Variants in DOK6 observed in about 807,000 individuals in gnomAD.
The protein encoded by DOK6 is downstream of tyrosine kinase 6.
Under a neutral mutation model 44.0 loss-of-function variants are expected in DOK6, and 22 were observed. That is an observed-to-expected ratio of 0.50 (90% CI 0.36 to 0.71). The LOEUF is 0.71. Among genes scored for constraint, DOK6 ranks in the 30% least tolerant of loss-of-function variants. The pLI, the probability that DOK6 is intolerant of heterozygous loss-of-function variation, is 0.00. For synonymous variants in DOK6, 166 were observed against 145.5 expected, an observed-to-expected ratio of 1.14 and a Z score of -1.01; for missense variants, 340 against 416.4, an observed-to-expected ratio of 0.82 and a Z score of 1.60.
intron 7 of DOK6, among the ~76,000 whole-genome samples, chr18:69,768,741 T>TAGGACA (rs1422067590): frequency 6.6e-6 from 1 of 151,566 alleles, no homozygotes; most frequent in East Asian, 1.9e-4. Flanking sequence ...TGATGTTGAT[T>TAGGACA]TAAGCCTGGA....
At chr18:69,607,303 A>G (rs1984025741) in intron 3 of DOK6, among the ~76,000 whole-genome samples, 1 of 151,686 alleles carries the variant, frequency 6.6e-6, no homozygotes, top group Non-Finnish European at 1.5e-5. Context: ...GATCTAATTT[A>G]TTTTATGAAG....
chr18:69,741,887 T>G (rs1231376123), intron 6 of DOK6, among the ~76,000 whole-genome samples: 1 of 152,086 alleles, frequency 6.6e-6, no homozygotes, highest in Admixed American at 6.6e-5. Context: ...ATAACAAAAT[T>G]GTAACTTGAA....
intron 3 of DOK6, among the ~76,000 whole-genome samples, chr18:69,648,635 C>T (rs796447088): frequency 3.9e-5 from 6 of 152,250 alleles, no homozygotes; most frequent in African/African-American, 1.4e-4. Context: ...TACTAAATAT[C>T]GTCTGTTAAT....
At chr18:69,724,023 T>A (rs1158112025) in intron 5 of DOK6, among the ~76,000 whole-genome samples, 1 of 152,194 alleles carries the variant, frequency 6.6e-6, no homozygotes, top group East Asian at 1.9e-4. Flanking sequence ...ATAATATTAA[T>A]TGAAAAGAAA....
intron 3 of DOK6, among the ~76,000 whole-genome samples, chr18:69,657,587 A>G (rs550663766): frequency 6.6e-6 from 1 of 152,340 alleles, no homozygotes; most frequent in African/African-American, 2.4e-5. Flanking sequence ...GCTACCAAAG[A>G]AAGTTGATGT....
intron 3 of DOK6, among the ~76,000 whole-genome samples, chr18:69,659,338 A>G (rs1985450185): frequency 6.6e-6 from 1 of 152,246 alleles, no homozygotes; most frequent in Non-Finnish European, 1.5e-5. Flanking sequence ...TATTGACACA[A>G]TGGTGTCCAT....
rs913823701 is a variant in DOK6, at chr18:69,845,641, C to T, written c.*4258C>T. 6.6e-6 allele frequency: 1 copy of T among 152,154 alleles called. No homozygotes were observed. The highest frequency in any genetic ancestry group is 1.5e-5 in the Non-Finnish European group (1 of 68,042). The allele number at this position is 152,154 out of a possible 1,614,324, so 9.4% of individuals were successfully genotyped here. The stretch of plus-strand genomic sequence containing the variant: ...AATTTAGGTTAAATGATAAAGAATA[C>T]AATGAAATGTCCAGAGTAACACTTG... On this transcript the variant is annotated 3_prime_UTR_variant, in exon 8 of 8. Coordinates refer to ENST00000382713, the MANE Select transcript of DOK6 (RefSeq NM_152721.6).
intron 5 of DOK6, among the ~76,000 whole-genome samples, chr18:69,735,167 T>C (rs1363526424): frequency 6.6e-6 from 1 of 152,226 alleles, no homozygotes; most frequent in Non-Finnish European, 1.5e-5. Flanking sequence ...TTATCTCAAG[T>C]GATTCTGGAT....
At chr18:69,571,318 A>G (rs1983110158) in intron 2 of DOK6, among the ~76,000 whole-genome samples, 1 of 152,040 alleles carries the variant, frequency 6.6e-6, no homozygotes, top group Non-Finnish European at 1.5e-5. Flanking sequence ...AAGAAAGGAG[A>G]AAAGAGGTAA....
chr18:69,565,492 T>C (rs954039421), intron 2 of DOK6, among the ~76,000 whole-genome samples: 2 of 10,880 alleles, frequency 1.8e-4, no homozygotes. Context: ...TGTGTGTGTG[T>C]GTGTGTGTGT....
intron 1 of DOK6, among the ~76,000 whole-genome samples, chr18:69,420,457 G>A (rs1166343029): frequency 2.0e-5 from 3 of 151,818 alleles, no homozygotes; most frequent in Admixed American, 2.0e-4. Context: ...CTGTGGGCAG[G>A]TCAGATATCA....
At chr18:69,693,528 C>T (rs1986316274) in intron 4 of DOK6, among the ~76,000 whole-genome samples, 1 of 152,064 alleles carries the variant, frequency 6.6e-6, no homozygotes, top group Non-Finnish European at 1.5e-5. Context: ...GCTGAACAGA[C>T]GTCTGTTTTC....
rs55913977 is a variant in DOK6 at position 69,651,722 on chromosome 18, C to T, written c.290-26012C>T. On this transcript the variant is annotated intron_variant, in intron 3 of 7. Transcript: ENST00000382713. ...CAAGCTGATTTCAAACTCCTGACCT[C>T]AAGTGATCTGCCTCCTCAGCCTCCA... is the stretch of plus-strand genomic sequence containing the variant. 2.8e-3 allele frequency among the ~76,000 whole-genome samples: 426 copies of T among 152,088 alleles called. 2 individuals carry two copies. Among genetic ancestry groups the T allele is most frequent in the African/African-American group, 9.9e-3 (412 of 41,486 alleles).
At chr18:69,515,657 A>C (rs1981500810) in intron 1 of DOK6, among the ~76,000 whole-genome samples, 1 of 152,260 alleles carries the variant, frequency 6.6e-6, no homozygotes, top group African/African-American at 2.4e-5. Context: ...TGAATTAGAG[A>C]AAACTATGAA....
At chr18:69,525,443 T>C (rs1389732182) in intron 1 of DOK6, among the ~76,000 whole-genome samples, 1 of 151,996 alleles carries the variant, frequency 6.6e-6, no homozygotes. Flanking sequence ...TCTAAAGAAA[T>C]TGAAGGTGGT....
intron 1 of DOK6, among the ~76,000 whole-genome samples, chr18:69,535,524 A>T (rs11664173): frequency 0.13 from 20,004 of 151,780 alleles, 1,627 homozygotes; most frequent in South Asian, 0.29. Flanking sequence ...TTTAAAAAAA[A>T]TTTTCTAGGT....
At chr18:69,680,063 G>C (rs1986011125) in intron 4 of DOK6, among the ~76,000 whole-genome samples, 2 of 152,096 alleles carry the variant, frequency 1.3e-5, no homozygotes, top group South Asian at 4.1e-4. Flanking sequence ...GCTTTTCTTA[G>C]ATTAATTATG....
At chr18:69,609,041 G>A (rs144644267) in intron 3 of DOK6, among the ~76,000 whole-genome samples, 1 of 150,062 alleles carries the variant, frequency 6.7e-6, no homozygotes, top group Admixed American at 6.6e-5. Context: ...TGGTGCTGTT[G>A]TAAAACTCCA....
chr18:69,456,364 A>C (rs73466875), intron 1 of DOK6, among the ~76,000 whole-genome samples: 1 of 151,942 alleles, frequency 6.6e-6, no homozygotes, highest in Admixed American at 6.6e-5. Flanking sequence ...TATGTGGTCA[A>C]TGTTTAGCTC....
Sources: allele counts gnomAD v4.1 joint callset (sites outside exome capture counted in the v4.1 genomes callset), GRCh38; gene constraint gnomAD v4.1.1; transcripts MANE v1.5; gene names NCBI Gene and HGNC (gene_info 2026-07-23, HGNC 2026-07-21).